Variants in RNF169 observed in about 807,000 individuals in gnomAD.
The protein encoded by RNF169 is ring finger protein 169.
In RNF169, 24 loss-of-function variants were observed where a neutral mutation model predicts 53.9. The ratio of observed to expected loss-of-function variants is 0.45; its 90% CI spans 0.32 to 0.63. RNF169 has a LOEUF of 0.63. RNF169 is among the 20% of genes least tolerant of loss of function. The pLI is 0.04. For missense variants in RNF169, 883 were observed against 906.2 expected, an observed-to-expected ratio of 0.97 and a Z score of 0.33; for synonymous variants, 396 against 363.5, an observed-to-expected ratio of 1.09 and a Z score of -1.02.
At chr11:74,835,482 G>C (rs1565189408) in intron 5 of RNF169, 64 bp from the exon 6 acceptor site, 2 of 1,251,776 alleles carry the variant, frequency 1.6e-6, no homozygotes, top group Non-Finnish European at 1.1e-6. Flanking sequence ...CATCATAAAG[G>C]AATGATGAAG....
At position 74,827,137 on chromosome 11, in the gene RNF169, A is replaced by G. The variant is rs372128041; in HGVS notation, c.843-7539A>G. Among the ~76,000 whole-genome samples, 9 of 152,158 alleles carry G rather than the reference A, an allele frequency of 5.9e-5. No individual in the cohort carries two copies. The East Asian group carries it at 7.7e-4, about 13-fold the overall frequency. On this transcript the variant is annotated intron_variant, in intron 4 of 5. Transcript: ENST00000299563. ...CCTGGACATCCCGGCATTTGCATACATTCTGTGTAATCTAGGTGAAGGTTC... is the reference window on the plus strand; with the variant it reads ...CCTGGACATCCCGGCATTTGCATACGTTCTGTGTAATCTAGGTGAAGGTTC...
intron 1 of RNF169, among the ~76,000 whole-genome samples, chr11:74,755,274 A>G (rs1036349126): frequency 5.3e-5 from 8 of 152,238 alleles, no homozygotes; most frequent in African/African-American, 1.7e-4. Flanking sequence ...AGTAATTACT[A>G]TTGAAGAATA....
At chr11:74,779,597 C>T (rs924142933) in intron 1 of RNF169, among the ~76,000 whole-genome samples, 1 of 151,946 alleles carries the variant, frequency 6.6e-6, no homozygotes, top group Non-Finnish European at 1.5e-5. Context: ...ATGGGAAACA[C>T]TTTAGTTTGG....
intron 1 of RNF169, among the ~76,000 whole-genome samples, chr11:74,753,109 C>T (rs2034927177): frequency 6.6e-6 from 1 of 152,172 alleles, no homozygotes; most frequent in Non-Finnish European, 1.5e-5. Context: ...GCTGGGATTA[C>T]AGGTGTGCGC....
chr11:74,752,314 G>A (rs747532009), intron 1 of RNF169, among the ~76,000 whole-genome samples: 27 of 150,002 alleles, frequency 1.8e-4, no homozygotes, highest in Non-Finnish European at 3.1e-4. Context: ...AAAGATTCTT[G>A]GGCTGGGCAT....
chr11:74,827,957 G>T (rs1490239729), intron 4 of RNF169, among the ~76,000 whole-genome samples: 1 of 152,098 alleles, frequency 6.6e-6, no homozygotes, highest in Admixed American at 6.5e-5. Context: ...ACTCCTATTC[G>T]CCATAGTATT....
chr11:74,756,986 C>T (rs528322814), intron 1 of RNF169, among the ~76,000 whole-genome samples: 19 of 145,808 alleles, frequency 1.3e-4, no homozygotes, highest in African/African-American at 5.0e-4. Context: ...TAAAGAACGG[C>T]AATTCTTTTA....
At chr11:74,755,499 A>G (rs892945978) in intron 1 of RNF169, among the ~76,000 whole-genome samples, 2 of 152,244 alleles carry the variant, frequency 1.3e-5, no homozygotes, top group African/African-American at 4.8e-5. Context: ...ATTGTGCAAG[A>G]TGATGCAATA....
Position 74,789,664 on chromosome 11 carries a change from G to A in RNF169, c.541G>A (p.Gly181Arg), listed in dbSNP as rs748450530. The change falls in exon 2 of 6, where the codon GGG (glycine) becomes AGG (arginine). Residue 181 changes from glycine (G) to arginine (R), a missense_variant. Physicochemically the swap from Gly to Arg is moderately radical, Grantham distance 125. This residue lies in a region of RNF169 where 313 missense variants were observed against 279.9 expected (regional missense o/e 1.12). Transcript: ENST00000299563. Reference protein sequence around the residue: ...FRAPIKLSKPGELREEYESLR... With the variant: ...FRAPIKLSKPRELREEYESLR... Reference sequence around the variant, plus strand: ...AGCACCAATCAAATTAAGCAAGCCTGGGGAACTTCGTGAGGAATATGAAAG... The same window carrying A: ...AGCACCAATCAAATTAAGCAAGCCTAGGGAACTTCGTGAGGAATATGAAAG... The A allele has an allele frequency of 1.2e-6, 2 of 1,608,922 alleles. No individual in the cohort carries two copies. The highest frequency in any genetic ancestry group is 8.5e-7 in the Non-Finnish European group (1 of 1,175,920).
At chr11:74,792,367 G>C (rs771462041) in intron 2 of RNF169, among the ~76,000 whole-genome samples, 1 of 152,092 alleles carries the variant, frequency 6.6e-6, no homozygotes, top group Non-Finnish European at 1.5e-5. Flanking sequence ...GTAGGAGGTA[G>C]AAAAAGGAGG....
chr11:74,786,219 G>A (rs1261087272), intron 1 of RNF169, among the ~76,000 whole-genome samples: 4 of 150,350 alleles, frequency 2.7e-5, no homozygotes, highest in African/African-American at 9.8e-5. Flanking sequence ...GATTACAGGC[G>A]TGAGCCACTG....
intron 4 of RNF169, among the ~76,000 whole-genome samples, chr11:74,829,532 T>TA (rs1447698224): frequency 1.3e-4 from 19 of 148,284 alleles, no homozygotes; most frequent in African/African-American, 5.0e-4. Flanking sequence ...CTTATAAAAA[T>TA]ACACGCACAT....
chr11:74,812,766 T>C (rs1409199640), intron 3 of RNF169, among the ~76,000 whole-genome samples: 3 of 152,190 alleles, frequency 2.0e-5, no homozygotes, highest in Non-Finnish European at 4.4e-5. Flanking sequence ...ATAGAAACTA[T>C]TGTGATTAGA....
chr11:74,809,095 GT>G lies in RNF169; in HGVS notation c.577-1080del, dbSNP rs202208150. Among the ~76,000 whole-genome samples the G allele has an allele frequency of 1.1e-3, 159 of 150,550 alleles. 2 individuals are homozygous for G. The highest frequency in any genetic ancestry group is 1.5e-3 in the Admixed American group (22 of 15,088). ...CTTTGTTGTTGTTTATTGTTGTGGG[GT>G]TTTTTTTTCCTGTTTTTGTGTGTTT... On this transcript the variant is annotated intron_variant, in intron 2 of 5. Transcript: ENST00000299563.
intron 1 of RNF169, among the ~76,000 whole-genome samples, chr11:74,782,000 G>A (rs774017643): frequency 6.6e-6 from 1 of 152,180 alleles, no homozygotes; most frequent in Non-Finnish European, 1.5e-5. Context: ...TGCTACTGGT[G>A]GTGGTAGAGA....
chr11:74,817,494 T>G, intron 3 of RNF169, 102 bp from the exon 4 acceptor site: 1 of 721,474 alleles, frequency 1.4e-6, no homozygotes, highest in Non-Finnish European at 2.4e-6. Flanking sequence ...AGGTTGGAGC[T>G]CACAGAGAAG....
chr11:74,787,694 C>T (rs182487776), intron 1 of RNF169, among the ~76,000 whole-genome samples: 9 of 152,264 alleles, frequency 5.9e-5, no homozygotes, highest in African/African-American at 2.2e-4. Context: ...CCATGCATTG[C>T]TGGCGGGACT....
intron 2 of RNF169, among the ~76,000 whole-genome samples, chr11:74,809,647 C>G (rs990918516): frequency 9.2e-5 from 14 of 152,192 alleles, no homozygotes; most frequent in Non-Finnish European, 2.1e-4. Context: ...TAGTGAGACC[C>G]CATCTCTACT....
intron 1 of RNF169, among the ~76,000 whole-genome samples, chr11:74,782,763 C>T (rs1275688248): frequency 1.3e-5 from 2 of 151,940 alleles, no homozygotes; most frequent in African/African-American, 2.4e-5. Context: ...TTATATATAA[C>T]TATATATTTG....
Sources: gnomAD v4.1 joint callset for allele counts (sites outside exome capture counted in the v4.1 genomes callset) on GRCh38, gnomAD v4.1.1 for gene constraint, gnomAD v4.1.1 regional missense constraint, MANE v1.5 for transcripts, NCBI Gene and HGNC (gene_info 2026-07-23, HGNC 2026-07-21) for gene names.